The following DAGLB variants were observed in gnomAD, a reference collection of about 807,000 sequenced individuals.
DAGLB encodes the protein diacylglycerol lipase-beta.
Under a neutral mutation model 72.1 loss-of-function variants are expected in DAGLB, and 66 were observed. The observed-to-expected ratio is 0.92, with a 90% CI of 0.75 to 1.12. The LOEUF is 1.12. DAGLB is among the 50% of genes most tolerant of loss of function. The probability of loss-of-function intolerance (pLI) is 0.00; values close to 1 mark genes in which losing one functional copy is unlikely to be tolerated. For missense variants in DAGLB, 1,065 were observed against 884.9 expected (o/e 1.20, Z -2.58); for synonymous variants, 414 against 359.5 (o/e 1.15, Z -1.71).
At chr7:6,437,044 C>T (rs370602706) in intron 2 of DAGLB, among the ~76,000 whole-genome samples, 2 of 151,314 alleles carry the variant, frequency 1.3e-5, no homozygotes, top group African/African-American at 4.9e-5. Context: ...TAGCTACTTG[C>T]GAGGGAGGCT....
At chr7:6,446,420 G>C (rs1472326237) in intron 1 of DAGLB, among the ~76,000 whole-genome samples, 2 of 144,218 alleles carry the variant, frequency 1.4e-5, no homozygotes, top group East Asian at 2.1e-4. Context: ...GGAGGTGGCA[G>C]TGAGCCGAGA....
Position 6,432,861 on chromosome 7 carries a change from G to C in DAGLB, c.777C>G (p.Val259=). The change falls in exon 5 of 15, where the codon GTC becomes GTG. Residue 259 remains valine (V), a synonymous_variant. Coordinates refer to ENST00000297056, the MANE Select transcript of DAGLB (RefSeq NM_139179.4). ...CCTGGGAGCTCCCTGGGGCATGGCAGACCACCTGGGCAGGCTCTTGGTTGT... is the reference window on the plus strand; with the variant it reads ...CCTGGGAGCTCCCTGGGGCATGGCACACCACCTGGGCAGGCTCTTGGTTGT... The part of the protein sequence containing the change: ...IRNNQEPAQV[V]CHAPGSSQEA... The C allele has an allele frequency of 6.2e-7, 1 of 1,613,868 alleles. No homozygotes were observed. Among genetic ancestry groups the C allele is most frequent in the Non-Finnish European group, 8.5e-7 (1 of 1,180,012 alleles).
chr7:6,445,081 A>G (rs150363124), intron 2 of DAGLB, among the ~76,000 whole-genome samples: 3 of 152,322 alleles, frequency 2.0e-5, no homozygotes, highest in Non-Finnish European at 2.9e-5. Context: ...CAGTTCCTCA[A>G]AAGGTTTCAC....
At chr7:6,427,718 G>C (rs951079088) in intron 6 of DAGLB, among the ~76,000 whole-genome samples, 2 of 152,130 alleles carry the variant, frequency 1.3e-5, no homozygotes, top group East Asian at 1.9e-4. Flanking sequence ...AGGAGGTTGA[G>C]GGTATGGTGT....
At chr7:6,432,341 T>C (rs1329963611) in intron 5 of DAGLB, among the ~76,000 whole-genome samples, 1 of 148,400 alleles carries the variant, frequency 6.7e-6, no homozygotes, top group African/African-American at 2.5e-5. Context: ...CAAAACTCCA[T>C]CTCATAAAAA....
intron 13 of DAGLB, among the ~76,000 whole-genome samples, chr7:6,411,144 T>C (rs1400813502): frequency 1.3e-5 from 2 of 151,834 alleles, no homozygotes; most frequent in East Asian, 2.0e-4. Flanking sequence ...AGTGCTGGGA[T>C]TACAGGCGTG....
intron 2 of DAGLB, among the ~76,000 whole-genome samples, chr7:6,440,957 CTTTG>C (rs1486807792): frequency 6.6e-6 from 1 of 151,234 alleles, no homozygotes; most frequent in African/African-American, 2.4e-5. Flanking sequence ...TTGGTTTTTT[CTTTG>C]TTTTTTTTTT....
chr7:6,423,851 T>C (rs1264951644), intron 8 of DAGLB, among the ~76,000 whole-genome samples: 1 of 152,034 alleles, frequency 6.6e-6, no homozygotes, highest in African/African-American at 2.4e-5. Context: ...CCTCCCAAAG[T>C]GCTGGGATTA....
rs375537082 is a variant in DAGLB at position 6,409,853 on chromosome 7, C to G, written c.2003G>C (p.Ser668Thr). The G allele has an allele frequency of 1.2e-5, 19 of 1,613,852 alleles. No homozygotes were observed. Among genetic ancestry groups the G allele is most frequent in the Middle Eastern group, 1.6e-4 (1 of 6,084 alleles). Residue 668 changes from serine to threonine, a missense_variant, in exon 15 of 15, where the codon AGT becomes ACT. Physicochemically the swap from Ser to Thr is moderately conservative, Grantham distance 58. Transcript: ENST00000297056. ...TGGCCCTGGTCAGGCCACGTCCACA[C>G]TGGAGACCCCTTGTGCTGGACAGGA... ...CVSCPAQGVSSVDVA is the reference protein window; with the variant it reads ...CVSCPAQGVSTVDVA
In DAGLB at chr7:6,447,745, T is replaced by C. The variant is rs571394231; in HGVS notation, c.95+3A>G. 20 of 1,612,036 alleles carry C rather than the reference T, an allele frequency of 1.2e-5. No homozygotes were observed. The East Asian group carries it at 1.8e-4, about 14-fold the overall frequency. On this transcript the variant is annotated splice_donor_region_variant and intron_variant, in intron 1 of 14. Coordinates refer to ENST00000297056, the MANE Select transcript of DAGLB (RefSeq NM_139179.4). ...CCACCGCCCCCGTAGCCGCCGTCCT[T>C]ACCACAGCACTCGCACGACCAGCTC... is the stretch of plus-strand genomic sequence containing the variant.
rs1783686991 is a variant in DAGLB, at chr7:6,410,515, G to GT, written c.1570-136_1570-135insA. 1.3e-5 allele frequency: 17 copies of GT among 1,339,640 alleles called. No homozygotes were observed. In the East Asian group the frequency reaches 4.2e-4, roughly 33 times the overall value. The allele number at this position is 1,339,640 out of a possible 1,614,324, so 83.0% of individuals were successfully genotyped here. On this transcript the variant is annotated intron_variant, in intron 13 of 14. Transcript: ENST00000297056. ...ACCCCGCTTGGAAGACTCCAGCAAA[G>GT]ATGCACCGGCGAGCTGTGCTGGGTG...
Position 6,432,929 on chromosome 7 carries a change from C to T in DAGLB, c.709G>A (p.Ala237Thr), listed in dbSNP as rs1461446157. 5 of 1,613,898 alleles carry T rather than the reference C, an allele frequency of 3.1e-6. No individual in the cohort carries two copies. Among genetic ancestry groups the T allele is most frequent in the Non-Finnish European group, 4.2e-6 (5 of 1,179,980 alleles). ...TGCTGATGAAGCAGGGCGAGGCCCG[C>T]CGCAATGTCGCTGGGCACCAGATCT... Reference protein sequence around the residue: ...DTDLVPSDIAAGLALLHQQQD... With the variant: ...DTDLVPSDIATGLALLHQQQD... Residue 237 changes from alanine (A) to threonine (T), a missense_variant, in exon 5 of 15, where the codon GCG becomes ACG. Coordinates refer to ENST00000297056, the MANE Select transcript of DAGLB (RefSeq NM_139179.4).
chr7:6,435,379 A>G (rs1784620564), intron 3 of DAGLB: 3 of 205,930 alleles, frequency 1.5e-5, no homozygotes, highest in Non-Finnish European at 3.1e-5. Flanking sequence ...CCAGCTTCTG[A>G]GGAGGCTGAG....
intron 3 of DAGLB, 37 bp from the exon 4 acceptor site, chr7:6,435,057 G>C (rs190905046): frequency 1.4e-5 from 22 of 1,604,862 alleles, no homozygotes; most frequent in Non-Finnish European, 1.9e-5. Flanking sequence ...CGGTGACTGC[G>C]GGCCCCAGCC....
chr7:6,419,816 A>T (rs1027139375), intron 9 of DAGLB, among the ~76,000 whole-genome samples: 1 of 152,174 alleles, frequency 6.6e-6, no homozygotes, highest in African/African-American at 2.4e-5. Flanking sequence ...GTAATGGGCA[A>T]ACTGGAGTCT....
At chr7:6,431,844 T>G (rs836531) in intron 5 of DAGLB, among the ~76,000 whole-genome samples, 144,894 of 152,266 alleles carry the variant, frequency 0.95, 69,047 homozygotes, top group East Asian at 1. Flanking sequence ...TGAACTCCAG[T>G]TGATAACGAA....
intron 3 of DAGLB, 67 bp downstream of exon 3, chr7:6,436,295 G>A: frequency 6.5e-7 from 1 of 1,541,522 alleles, no homozygotes; most frequent in South Asian, 1.2e-5. Context: ...TCTCTGTCAT[G>A]TTAGAAGGGT....
At chr7:6,446,535 C>G (rs1192910419) in intron 1 of DAGLB, among the ~76,000 whole-genome samples, 1 of 131,712 alleles carries the variant, frequency 7.6e-6, no homozygotes, top group East Asian at 2.4e-4. Flanking sequence ...TAATATTTTC[C>G]AAAACAAGGC....
intron 11 of DAGLB, among the ~76,000 whole-genome samples, chr7:6,415,717 C>T (rs1002999486): frequency 5.9e-5 from 9 of 151,436 alleles, no homozygotes; most frequent in African/African-American, 7.3e-5. Flanking sequence ...TGGTGGCGGG[C>T]GCCTGTAGTC....
Sources: allele counts gnomAD v4.1 joint callset (sites outside exome capture counted in the v4.1 genomes callset), GRCh38; gene constraint gnomAD v4.1.1; transcripts MANE v1.5; gene names NCBI Gene and HGNC (gene_info 2026-07-23, HGNC 2026-07-21).